The following CA13 variants were observed in gnomAD, a reference collection of about 807,000 sequenced individuals.
The protein encoded by CA13 is carbonic anhydrase 13.
A neutral mutation model predicts 31.5 loss-of-function variants in CA13; 21 were observed. That is an observed-to-expected ratio of 0.67 (90% confidence interval 0.47 to 0.96). The LOEUF (loss-of-function observed/expected upper bound fraction) is 0.96. Among genes scored for constraint, CA13 ranks in the 40% least tolerant of loss-of-function variants. The pLI is 0.00. For synonymous variants in CA13, 117 were observed against 111.4 expected (o/e 1.05, Z -0.32); for missense variants, 315 against 318.9 (o/e 0.99, Z 0.09).
At chr8:85,249,054 T>C (rs1226446813) in intron 1 of CA13, among the ~76,000 whole-genome samples, 2 of 152,250 alleles carry the variant, frequency 1.3e-5, no homozygotes, top group African/African-American at 4.8e-5. Flanking sequence ...CTCAAGTGGC[T>C]TTGAAGTCCA....
At chr8:85,266,477 C>T in intron 3 of CA13, 131 bp from the exon 4 acceptor site, 2 of 653,132 alleles carry the variant, frequency 3.1e-6, no homozygotes, top group South Asian at 4.1e-5. Flanking sequence ...GGATTCTGTC[C>T]AAGATTCTTG....
At chr8:85,276,638 ACT>A (rs769379361) in intron 6 of CA13, among the ~76,000 whole-genome samples, 47 of 151,320 alleles carry the variant, frequency 3.1e-4, no homozygotes, top group Non-Finnish European at 5.7e-4. Flanking sequence ...ACCAATGGAC[ACT>A]CTGTATGTAG....
intron 3 of CA13, 61 bp from the exon 4 acceptor site, chr8:85,266,547 A>G: frequency 1.6e-6 from 2 of 1,269,716 alleles, no homozygotes; most frequent in Non-Finnish European, 2.3e-6. Context: ...TTTTATTTGC[A>G]TTTATGTTTT....
At chr8:85,266,076 T>C (rs1278378208) in intron 3 of CA13, among the ~76,000 whole-genome samples, 1 of 152,250 alleles carries the variant, frequency 6.6e-6, no homozygotes, top group African/African-American at 2.4e-5. Context: ...GATTTGAGGC[T>C]GCTCCATTGC....
At chr8:85,255,350 C>T (rs1435152730) in intron 2 of CA13, among the ~76,000 whole-genome samples, 1 of 151,916 alleles carries the variant, frequency 6.6e-6, no homozygotes, top group African/African-American at 2.4e-5. Flanking sequence ...ACAACCTCTG[C>T]CTCCTGGGTT....
chr8:85,246,976 A>C (rs541567086), intron 1 of CA13, among the ~76,000 whole-genome samples: 1 of 152,220 alleles, frequency 6.6e-6, no homozygotes, highest in Non-Finnish European at 1.5e-5. Flanking sequence ...AACTAACAGA[A>C]AAATTCTATT....
chr8:85,257,979 T>C (rs907164095), intron 2 of CA13, among the ~76,000 whole-genome samples: 3 of 147,982 alleles, frequency 2.0e-5, no homozygotes, highest in African/African-American at 7.4e-5. Context: ...AAATATCAAA[T>C]ATATAAAATA....
At chr8:85,249,649 G>A (rs1339496082) in intron 1 of CA13, among the ~76,000 whole-genome samples, 2 of 152,184 alleles carry the variant, frequency 1.3e-5, no homozygotes, top group Non-Finnish European at 2.9e-5. Flanking sequence ...ATGCTATGAT[G>A]TTTTAATTAG....
intron 1 of CA13, among the ~76,000 whole-genome samples, chr8:85,249,188 A>G (rs896031141): frequency 1.3e-5 from 2 of 152,326 alleles, no homozygotes; most frequent in African/African-American, 4.8e-5. Context: ...AAAATGAGGC[A>G]TAGTAAGCAG....
chr8:85,253,906 A>G (rs1253715808), intron 2 of CA13, among the ~76,000 whole-genome samples: 4 of 152,202 alleles, frequency 2.6e-5, no homozygotes, highest in East Asian at 1.9e-4. Context: ...TTTATACCAC[A>G]TAAGTGTAGT....
At chr8:85,273,359 G>A (rs1379280078) in intron 6 of CA13, among the ~76,000 whole-genome samples, 1 of 152,024 alleles carries the variant, frequency 6.6e-6, no homozygotes, top group African/African-American at 2.4e-5. Context: ...TTAAGTATCT[G>A]TTCAAATCAT....
At position 85,250,730 on chromosome 8, in the gene CA13, T is replaced by C. The variant is rs906020582; in HGVS notation, c.38-10T>C. The stretch of plus-strand genomic sequence containing the variant: ...ATTTAATCCTTTTCTTTTGGTCCTA[T>C]ATATTTAAGGTCCTATTCACTGGAA... On this transcript the variant is annotated splice_polypyrimidine_tract_variant and intron_variant, in intron 1 of 6. Coordinates refer to ENST00000321764, the MANE Select transcript of CA13 (RefSeq NM_198584.3). The C allele has an allele frequency of 3.8e-6, 6 of 1,565,460 alleles. No individual in the cohort carries two copies. Among genetic ancestry groups the C allele is most frequent in the Admixed American group, 3.4e-5 (2 of 59,474 alleles).
intron 1 of CA13, chr8:85,249,830 C>T (rs971337828): frequency 6.6e-6 from 3 of 451,942 alleles, no homozygotes; most frequent in Admixed American, 2.4e-5. Flanking sequence ...TTACGTGAAA[C>T]TACAGCTTTG....
chr8:85,256,943 TTC>T (rs966807396), intron 2 of CA13, among the ~76,000 whole-genome samples: 1 of 152,048 alleles, frequency 6.6e-6, no homozygotes, highest in African/African-American at 2.4e-5. Flanking sequence ...GTCCTTTGGT[TTC>T]TCTCTCTCTC....
At chr8:85,277,172 G>T (rs575895767) in intron 6 of CA13, among the ~76,000 whole-genome samples, 1 of 152,296 alleles carries the variant, frequency 6.6e-6, no homozygotes, top group South Asian at 2.1e-4. Context: ...CCACACCGTG[G>T]AAGCTCTGTT....
chr8:85,252,840 TA>T (rs999263411), intron 2 of CA13, among the ~76,000 whole-genome samples: 2 of 152,222 alleles, frequency 1.3e-5, no homozygotes, highest in African/African-American at 4.8e-5. Flanking sequence ...AGATTAGTAG[TA>T]ATATCTTGTA....
At position 85,259,465 on chromosome 8, in the gene CA13, G is replaced by A; in HGVS notation, c.280G>A (p.Val94Ile). The change falls in exon 3 of 7, where the codon GTT (valine) becomes ATT (isoleucine). Residue 94 changes from valine to isoleucine, a missense_variant. Val to Ile is a conservative substitution (Grantham distance 29). Coordinates refer to ENST00000321764, the MANE Select transcript of CA13 (RefSeq NM_198584.3). ...PLTGSYRLRQ[V>I]HLHWGSADDH... ...CACTGGAAGCTACAGGTTACGGCAG[G>A]TTCACCTTCACTGGGGGTCCGCTGA... 1 of 1,614,096 alleles carries A rather than the reference G, an allele frequency of 6.2e-7. No individual in the cohort carries two copies. The highest frequency in any genetic ancestry group is 1.3e-5 in the African/African-American group (1 of 75,016).
chr8:85,249,813 A>G, intron 1 of CA13: 2 of 451,456 alleles, frequency 4.4e-6, no homozygotes, highest in Non-Finnish European at 4.4e-6. Flanking sequence ...GTAGAATGAC[A>G]TGGAACTTAC....
chr8:85,280,836 GA>G (rs1807692339), intron 6 of CA13, among the ~76,000 whole-genome samples: 1 of 152,086 alleles, frequency 6.6e-6, no homozygotes, highest in Admixed American at 6.5e-5. Context: ...TATACTAAGT[GA>G]AAAAATTAGG....
Sources: gnomAD v4.1 joint callset for allele counts (sites outside exome capture counted in the v4.1 genomes callset) on GRCh38, gnomAD v4.1.1 for gene constraint, MANE v1.5 for transcripts, NCBI Gene and HGNC (gene_info 2026-07-23, HGNC 2026-07-21) for gene names.